KANSL1: variants seen among roughly 807,000 people sequenced by gnomAD.
KANSL1 encodes MLL1/MLL complex subunit KANSL1.
Under a neutral mutation model 103.6 loss-of-function variants are expected in KANSL1, and 22 were observed. That is an observed-to-expected ratio of 0.21 (90% CI 0.15 to 0.30). KANSL1 has a LOEUF of 0.30. Among genes scored for constraint, KANSL1 ranks in the 10% least tolerant of loss-of-function variants. KANSL1 has a pLI of 1.00. For missense variants in KANSL1, 1,337 were observed against 1,399.8 expected (o/e 0.96, Z 0.72); for synonymous variants, 600 against 527.6 (o/e 1.14, Z -1.88).
intron 2 of KANSL1, among the ~76,000 whole-genome samples, chr17:46,105,927 ACACACACACACACACACACACC>A (rs1053873805): frequency 8.8e-5 from 9 of 101,702 alleles, no homozygotes; most frequent in South Asian, 3.1e-4. Flanking sequence ...ACACACACAC[ACACACACACACACACACACACC>A]CCCCCAGAAG....
At chr17:46,203,199 C>G (rs902616970) in intron 1 of KANSL1, among the ~76,000 whole-genome samples, 27 of 152,168 alleles carry the variant, frequency 1.8e-4, no homozygotes, top group Non-Finnish European at 2.9e-5. Context: ...TGAGATCGCG[C>G]CACTGCACTC....
intron 2 of KANSL1, among the ~76,000 whole-genome samples, chr17:46,105,667 G>C (rs995994423): frequency 2.0e-5 from 3 of 151,782 alleles, no homozygotes; most frequent in African/African-American, 4.8e-5. Flanking sequence ...TCAGGACTTC[G>C]AGACCAGCCT....
At chr17:46,183,817 G>A (rs891122704) in intron 1 of KANSL1, among the ~76,000 whole-genome samples, 1 of 152,094 alleles carries the variant, frequency 6.6e-6, no homozygotes, top group Non-Finnish European at 1.5e-5. Context: ...GAAGGCTGAG[G>A]TACAAGAATC....
At position 46,193,356 on chromosome 17, in the gene KANSL1, T is replaced by TGGCGGCGGTGGCGGCGGC. The variant is rs1567791783; in HGVS notation, c.-624_-623insGCCGCCGCCACCGCCGCC. 3.8e-5 allele frequency: 6 copies of TGGCGGCGGTGGCGGCGGC among 156,916 alleles called. 1 individual carries two copies. The highest frequency in any genetic ancestry group is 8.2e-5 in the Non-Finnish European group (6 of 72,974). 9.7% of individuals were successfully genotyped at this position (156,916 alleles called of 1,614,324 possible). ...CCGGCTCGGCGAGCGGTGGCGGCGG[T>TGGCGGCGGTGGCGGCGGC]GGCGGCGGCACTGGGAAAATGGCGG... On this transcript the variant is annotated 5_prime_UTR_variant, in exon 1 of 15. Transcript: ENST00000432791.
intron 12 of KANSL1, 70 bp downstream of exon 12, chr17:46,033,333 G>A: frequency 1.3e-6 from 2 of 1,508,822 alleles, no homozygotes; most frequent in Non-Finnish European, 1.8e-6. Flanking sequence ...GCCATTTAGG[G>A]TGTGTGCACT....
upstream of KANSL1, chr17:46,193,475 G>A (rs2147939457): frequency 6.6e-6 from 1 of 150,852 alleles, no homozygotes; most frequent in East Asian, 2.0e-4. Flanking sequence ...CGGGGAGGAG[G>A]GACAGCAGCG....
intron 2 of KANSL1, among the ~76,000 whole-genome samples, chr17:46,168,451 G>T (rs1031032816): frequency 3.3e-5 from 5 of 152,084 alleles, no homozygotes; most frequent in Non-Finnish European, 7.3e-5. Context: ...ACGTTCAAGC[G>T]ATTCTCCTGC....
At chr17:46,074,807 ATATT>A (rs1296287985) in intron 4 of KANSL1, among the ~76,000 whole-genome samples, 1 of 145,932 alleles carries the variant, frequency 6.9e-6, no homozygotes, top group Non-Finnish European at 1.5e-5. Context: ...AAATAAATAA[ATATT>A]GTCAGTTATT....
intron 2 of KANSL1, among the ~76,000 whole-genome samples, chr17:46,156,548 G>C (rs541548491): frequency 1.3e-5 from 2 of 152,300 alleles, no homozygotes; most frequent in African/African-American, 4.8e-5. Context: ...TTTAATGCCT[G>C]TACCATGTAT....
In KANSL1 at chr17:46,034,432, C is replaced by G; in HGVS notation, c.2542-147G>C. 3.9e-6 allele frequency: 3 copies of G among 772,960 alleles called. No individual in the cohort carries two copies. In the South Asian group the frequency reaches 4.8e-5, roughly 12 times the overall value. The allele number at this position is 772,960 out of a possible 1,614,324, so 47.9% of individuals were successfully genotyped here. A position where few individuals can be genotyped will look rare whatever the true frequency, so the allele number is the denominator to read the frequency against. On this transcript the variant is annotated intron_variant, in intron 10 of 14. Coordinates refer to ENST00000432791, the MANE Select transcript of KANSL1 (RefSeq NM_015443.4). Reference sequence around the variant, plus strand: ...TAATGACCATAGCAGCTGCTCCCACCTAGGAGTCAGTCTCCAACAGCAAAA... The same window carrying G: ...TAATGACCATAGCAGCTGCTCCCACGTAGGAGTCAGTCTCCAACAGCAAAA...
chr17:46,136,401 T>C (rs867392325), intron 2 of KANSL1, among the ~76,000 whole-genome samples: 21 of 152,368 alleles, frequency 1.4e-4, no homozygotes, highest in Middle Eastern at 3.4e-3. Context: ...ATAATCATCC[T>C]TCTTAGTAGT....
At chr17:46,033,530 C>G in intron 11 of KANSL1, 70 bp from the exon 12 acceptor site, 1 of 1,286,206 alleles carries the variant, frequency 7.8e-7, no homozygotes, top group Non-Finnish European at 1.1e-6. Context: ...TCAAAGTGTC[C>G]ATGCAAGGAT....
intron 1 of KANSL1, among the ~76,000 whole-genome samples, chr17:46,208,937 G>A (rs112464970): frequency 0.019 from 2,853 of 152,146 alleles, 90 homozygotes; most frequent in African/African-American, 0.064. Flanking sequence ...TTGGGAGGCC[G>A]AGTGGGGCGG....
At chr17:46,082,221 T>C (rs575373110) in intron 4 of KANSL1, among the ~76,000 whole-genome samples, 1 of 152,324 alleles carries the variant, frequency 6.6e-6, no homozygotes, top group South Asian at 2.1e-4. Flanking sequence ...GTTTTGAGAA[T>C]TGGAGCTGCT....
intron 7 of KANSL1, chr17:46,044,431 T>A: frequency 6.6e-6 from 1 of 152,266 alleles, no homozygotes. Flanking sequence ...CCGGGTGTTT[T>A]GTAATGCTCA....
intron 7 of KANSL1, chr17:46,041,129 G>A (rs935000088): frequency 6.6e-6 from 1 of 152,152 alleles, no homozygotes; most frequent in Non-Finnish European, 1.5e-5. Flanking sequence ...GTATATAGAA[G>A]TACAATAAAC....
At chr17:46,181,884 C>CTT (rs367659845) in intron 1 of KANSL1, among the ~76,000 whole-genome samples, 13 of 148,140 alleles carry the variant, frequency 8.8e-5, no homozygotes, top group African/African-American at 1.7e-4. Context: ...CCTTCTTCTA[C>CTT]TTTTTTTTTT....
Position 46,033,424 on chromosome 17 carries a change from A to T in KANSL1, c.2703T>A (p.Ser901Arg), listed in dbSNP as rs775332855. 6.2e-7 allele frequency: 1 copy of T among 1,613,864 alleles called. No homozygotes were observed. Among genetic ancestry groups the T allele is most frequent in the Non-Finnish European group, 8.5e-7 (1 of 1,179,952 alleles). The change falls in exon 12 of 15, where the codon AGT becomes AGA. Residue 901 changes from serine to arginine, a missense_variant. Ser to Arg is a moderately radical substitution (Grantham distance 110). Transcript: ENST00000432791. ...TTACCTCTTCATTCTCCTCATCAGG[A>T]CTCCCCTTCAGAGACTGAAGATCAA... ...REVDLQSLKGSPDEENEEIED... is the reference protein window; with the variant it reads ...REVDLQSLKGRPDEENEEIED...
intron 1 of KANSL1, among the ~76,000 whole-genome samples, chr17:46,213,224 T>C (rs867563309): frequency 1.4e-4 from 21 of 152,348 alleles, no homozygotes; most frequent in Middle Eastern, 6.8e-3. Flanking sequence ...ATACTGTGTA[T>C]CTAAACTCAT....
Sources: allele counts gnomAD v4.1 joint callset (sites outside exome capture counted in the v4.1 genomes callset), GRCh38; gene constraint gnomAD v4.1.1; transcripts MANE v1.5; gene names NCBI Gene and HGNC (gene_info 2026-07-23, HGNC 2026-07-21).